The following ADGRL3 variants were observed in gnomAD, a reference collection of about 807,000 sequenced individuals.
ADGRL3 encodes the protein calcium-independent alpha-latrotoxin receptor 3.
ADGRL3 carries 62 observed loss-of-function variants against 153.5 expected under a neutral mutation model. The ratio of observed to expected loss-of-function variants is 0.40; its 90% CI spans 0.33 to 0.50. The LOEUF (loss-of-function observed/expected upper bound fraction) is 0.50, where lower values mean the gene tolerates loss of function less well. Ranked by LOEUF, ADGRL3 falls within the 20% of genes least tolerant of loss-of-function variation. ADGRL3 has a pLI of 0.47. For synonymous variants in ADGRL3, 710 were observed against 672.5 expected (o/e 1.06, Z -0.86); for missense variants, 1,641 against 1,859.4 (o/e 0.88, Z 2.16).
intron 23 of ADGRL3, among the ~76,000 whole-genome samples, chr4:62,032,640 A>C (rs1286674755): frequency 6.6e-6 from 1 of 151,722 alleles, no homozygotes; most frequent in Non-Finnish European, 1.5e-5. Context: ...TTTTCTTTGG[A>C]AAACAAAGGA....
At chr4:61,853,480 A>T (rs924804783) in intron 9 of ADGRL3, among the ~76,000 whole-genome samples, 7 of 152,158 alleles carry the variant, frequency 4.6e-5, no homozygotes, top group African/African-American at 1.4e-4. Context: ...TTTATGTTTT[A>T]CTACTTAATT....
intron 11 of ADGRL3, among the ~76,000 whole-genome samples, chr4:61,906,080 TATATA>T: frequency 6.6e-6 from 1 of 151,680 alleles, no homozygotes; most frequent in East Asian, 1.9e-4. Flanking sequence ...GAAATTCACA[TATATA>T]AATAAACAAA....
chr4:61,387,469 C>A (rs1368019406), intron 2 of ADGRL3, among the ~76,000 whole-genome samples: 1 of 152,076 alleles, frequency 6.6e-6, no homozygotes, highest in Non-Finnish European at 1.5e-5. Context: ...GAGTTTATTT[C>A]ATCTCTGCAG....
At chr4:61,547,897 T>G (rs1481280864) in intron 4 of ADGRL3, among the ~76,000 whole-genome samples, 1 of 152,098 alleles carries the variant, frequency 6.6e-6, no homozygotes, top group African/African-American at 2.4e-5. Flanking sequence ...CTCTTTTCTC[T>G]GCAACCTCCC....
intron 9 of ADGRL3, among the ~76,000 whole-genome samples, chr4:61,887,486 T>A (rs767272780): frequency 1.3e-5 from 2 of 152,182 alleles, no homozygotes; most frequent in African/African-American, 4.8e-5. Context: ...AAACTAGGAA[T>A]ATATAGTAAT....
chr4:61,217,816 A>C (rs1222875615), intron 1 of ADGRL3, among the ~76,000 whole-genome samples: 1 of 152,162 alleles, frequency 6.6e-6, no homozygotes, highest in Non-Finnish European at 1.5e-5. Context: ...TTGACTTATT[A>C]AGTACCTGGT....
At chr4:62,008,505 T>C (rs1432879657) in intron 21 of ADGRL3, among the ~76,000 whole-genome samples, 1 of 152,116 alleles carries the variant, frequency 6.6e-6, no homozygotes, top group Non-Finnish European at 1.5e-5. Context: ...TGTTTTCTTT[T>C]AAAGTAGTGC....
At chr4:61,903,499 C>T (rs1177383080) in intron 11 of ADGRL3, among the ~76,000 whole-genome samples, 3 of 151,880 alleles carry the variant, frequency 2.0e-5, no homozygotes, top group Non-Finnish European at 4.4e-5. Context: ...AAGAATGAAA[C>T]ATTTTTGCTA....
chr4:61,994,924 T>A, intron 19 of ADGRL3, among the ~76,000 whole-genome samples: 1 of 151,842 alleles, frequency 6.6e-6, no homozygotes. Flanking sequence ...TTCTTTTTTT[T>A]TTTTTTGAGA....
At chr4:61,558,805 T>C (rs1263302865) in intron 4 of ADGRL3, among the ~76,000 whole-genome samples, 1 of 152,078 alleles carries the variant, frequency 6.6e-6, no homozygotes, top group Non-Finnish European at 1.5e-5. Context: ...ACCATTTTAT[T>C]TTTAAAATGA....
chr4:61,628,409 T>C (rs1474702554), intron 5 of ADGRL3, among the ~76,000 whole-genome samples: 1 of 152,186 alleles, frequency 6.6e-6, no homozygotes, highest in Non-Finnish European at 1.5e-5. Flanking sequence ...ATAATGCATG[T>C]TTCAGATTCT....
intron 2 of ADGRL3, among the ~76,000 whole-genome samples, chr4:61,447,219 G>A (rs1179979078): frequency 1.3e-5 from 2 of 152,010 alleles, no homozygotes; most frequent in African/African-American, 4.8e-5. Flanking sequence ...CATCATTTTT[G>A]TTTGTAGTTT....
rs1480993350 is a variant in ADGRL3 at position 61,604,764 on chromosome 4, G to GCAGTAATCAAATAAGA, written c.473+17336_473+17337insAAGACAGTAATCAAAT. Among the ~76,000 whole-genome samples the GCAGTAATCAAATAAGA allele has an allele frequency of 2.6e-5, 4 of 152,084 alleles. No individual in the cohort carries two copies. In the South Asian group the frequency reaches 8.3e-4, roughly 31 times the overall value. On this transcript the variant is annotated intron_variant, in intron 5 of 26. Transcript: ENST00000683033. Reference sequence around the variant, plus strand: ...CAGAGAAAAACAAAACTTGTTTTTAGCAGTAATCAAATGTTTCAGTCTGAA... The same window carrying GCAGTAATCAAATAAGA: ...CAGAGAAAAACAAAACTTGTTTTTAGCAGTAATCAAATAAGACAGTAATCAAATGTTTCAGTCTGAA...
intron 4 of ADGRL3, among the ~76,000 whole-genome samples, chr4:61,578,470 A>G (rs184859849): frequency 6.6e-6 from 1 of 152,268 alleles, no homozygotes; most frequent in Admixed American, 6.5e-5. Flanking sequence ...TAATCTGTTT[A>G]AATAATCTAT....
intron 9 of ADGRL3, among the ~76,000 whole-genome samples, chr4:61,874,047 G>T (rs1404371579): frequency 6.6e-6 from 1 of 152,150 alleles, no homozygotes; most frequent in Non-Finnish European, 1.5e-5. Flanking sequence ...CATTAGGCTT[G>T]TGTTACTTAC....
chr4:62,025,599 G>A (rs908357271), intron 21 of ADGRL3, among the ~76,000 whole-genome samples: 17 of 152,080 alleles, frequency 1.1e-4, no homozygotes, highest in East Asian at 9.7e-4. Flanking sequence ...TGGAGGCCTC[G>A]TTGTTGATTG....
chr4:61,537,661 C>T lies in ADGRL3; in HGVS notation c.259+20143C>T, dbSNP rs907231099. ...TCTTCTACTTGGTCTAATCTATCAT[C>T]TAGGCTTCCAACTGTATTTTGGAGT... On this transcript the variant is annotated intron_variant, in intron 4 of 26. Transcript: ENST00000683033. Among the ~76,000 whole-genome samples the T allele has an allele frequency of 3.3e-5, 5 of 152,240 alleles. No homozygotes were observed. In the East Asian group the frequency reaches 7.7e-4, roughly 24 times the overall value.
intron 1 of ADGRL3, among the ~76,000 whole-genome samples, chr4:61,267,669 C>T (rs2092931518): frequency 6.6e-6 from 1 of 151,420 alleles, no homozygotes; most frequent in African/African-American, 2.4e-5. Context: ...ACAAAGATGC[C>T]TTATTTTCTC....
chr4:61,386,985 A>C (rs1241886638), intron 2 of ADGRL3, among the ~76,000 whole-genome samples: 1 of 152,192 alleles, frequency 6.6e-6, no homozygotes, highest in African/African-American at 2.4e-5. Context: ...ATCAAGATCT[A>C]GAACGTATAT....
Sources: allele counts gnomAD v4.1 joint callset (sites outside exome capture counted in the v4.1 genomes callset), GRCh38; gene constraint gnomAD v4.1.1; transcripts MANE v1.5; gene names NCBI Gene and HGNC (gene_info 2026-07-23, HGNC 2026-07-21).